Variants in CWC27 observed in about 807,000 individuals in gnomAD.
The protein encoded by CWC27 is spliceosome-associated protein CWC27 homolog.
In CWC27, 47 loss-of-function variants were observed where a neutral mutation model predicts 63.6. That is an observed-to-expected ratio of 0.74 (90% CI 0.58 to 0.94). CWC27 has a LOEUF of 0.94. Among genes scored for constraint, CWC27 ranks in the 40% least tolerant of loss-of-function variants. The probability of loss-of-function intolerance (pLI) is 0.00; values close to 1 mark genes in which losing one functional copy is unlikely to be tolerated. For missense variants in CWC27, 495 were observed against 554.3 expected (o/e 0.89, Z 1.07); for synonymous variants, 175 against 179.8 (o/e 0.97, Z 0.22).
chr5:64,944,071 C>T (rs1485124642), intron 11 of CWC27, among the ~76,000 whole-genome samples: 2 of 151,982 alleles, frequency 1.3e-5, no homozygotes, highest in South Asian at 2.1e-4. Context: ...CACCTACTTG[C>T]GGACATTACT....
chr5:64,835,473 T>A (rs1037743712), intron 10 of CWC27, among the ~76,000 whole-genome samples: 2 of 151,868 alleles, frequency 1.3e-5, no homozygotes, highest in African/African-American at 4.8e-5. Flanking sequence ...TATTTTGGCT[T>A]GGCATGTGGA....
chr5:64,995,146 A>G (rs1052605269), intron 13 of CWC27, among the ~76,000 whole-genome samples: 1 of 151,334 alleles, frequency 6.6e-6, no homozygotes, highest in Admixed American at 6.6e-5. Flanking sequence ...TAATTTTTGT[A>G]TTTTTAGTAG....
At chr5:64,861,489 G>A (rs573559437) in intron 10 of CWC27, among the ~76,000 whole-genome samples, 2 of 152,126 alleles carry the variant, frequency 1.3e-5, no homozygotes, top group East Asian at 3.9e-4. Flanking sequence ...ATGGTTCACT[G>A]GAAACCACCA....
At chr5:64,798,362 C>A (rs1008195825) in intron 7 of CWC27, among the ~76,000 whole-genome samples, 1 of 152,202 alleles carries the variant, frequency 6.6e-6, no homozygotes, top group East Asian at 1.9e-4. Flanking sequence ...CAACCACCAT[C>A]TTTCTTCTTG....
chr5:64,967,656 G>A (rs1749043881), intron 11 of CWC27, among the ~76,000 whole-genome samples: 1 of 151,910 alleles, frequency 6.6e-6, no homozygotes, highest in Non-Finnish European at 1.5e-5. Flanking sequence ...AAGGTGCCAA[G>A]GTCATTCACT....
intron 10 of CWC27, among the ~76,000 whole-genome samples, chr5:64,839,877 G>A (rs1322300727): frequency 6.6e-6 from 1 of 152,028 alleles, no homozygotes; most frequent in Non-Finnish European, 1.5e-5. Context: ...CTTGACATGG[G>A]AACTGATTGA....
chr5:64,928,570 C>A (rs1397212547), intron 11 of CWC27, among the ~76,000 whole-genome samples: 3 of 149,810 alleles, frequency 2.0e-5, no homozygotes, highest in Admixed American at 1.3e-4. Context: ...GCCAAGTGCA[C>A]AACAAAGTGT....
intron 10 of CWC27, among the ~76,000 whole-genome samples, chr5:64,805,997 C>T (rs561960975): frequency 4.6e-5 from 7 of 152,200 alleles, no homozygotes; most frequent in Admixed American, 4.6e-4. Flanking sequence ...GAAGTTTTTA[C>T]AGGCAAATGA....
intron 10 of CWC27, among the ~76,000 whole-genome samples, chr5:64,817,971 T>C (rs1273024570): frequency 6.6e-6 from 1 of 152,120 alleles, no homozygotes; most frequent in African/African-American, 2.4e-5. Context: ...TAGAGACCCT[T>C]AATACATGTT....
intron 11 of CWC27, among the ~76,000 whole-genome samples, chr5:64,891,771 TTTGTTGTTGTTGTTGTTG>T (rs56101875): frequency 6.8e-5 from 10 of 147,634 alleles, no homozygotes; most frequent in African/African-American, 1.8e-4. Context: ...CTTGGGATAC[TTTGTTGTTGTTGTTGTTG>T]TTGTTGTTGT....
intron 13 of CWC27, among the ~76,000 whole-genome samples, chr5:65,016,932 A>G (rs1040963769): frequency 6.6e-6 from 1 of 152,220 alleles, no homozygotes; most frequent in East Asian, 1.9e-4. Context: ...TATAAGAAGT[A>G]TTAATCCTAC....
intron 10 of CWC27, among the ~76,000 whole-genome samples, chr5:64,823,222 T>G (rs1008564368): frequency 6.6e-6 from 1 of 152,198 alleles, no homozygotes; most frequent in African/African-American, 2.4e-5. Flanking sequence ...GGCCTGTGAT[T>G]ATAAAGTTGA....
intron 13 of CWC27, among the ~76,000 whole-genome samples, chr5:64,998,179 A>G (rs1356885929): frequency 6.6e-6 from 1 of 151,638 alleles, no homozygotes; most frequent in African/African-American, 2.4e-5. Flanking sequence ...CATGTTGGGG[A>G]AGTTTGCTTT....
At chr5:64,898,861 C>T (rs1707994041) in intron 11 of CWC27, among the ~76,000 whole-genome samples, 1 of 152,028 alleles carries the variant, frequency 6.6e-6, no homozygotes, top group Non-Finnish European at 1.5e-5. Flanking sequence ...TCAACCCGAC[C>T]CACCTCCATG....
At position 64,785,540 on chromosome 5, in the gene CWC27, C is replaced by A; in HGVS notation, c.456C>A (p.Asp152Glu). 1 of 1,586,730 alleles carries A rather than the reference C, an allele frequency of 6.3e-7. No individual in the cohort carries two copies. The highest frequency in any genetic ancestry group is 8.6e-7 in the Non-Finnish European group (1 of 1,169,418). Residue 152 changes from aspartate to glutamate, a missense_variant, in exon 5 of 14, where the codon GAC (aspartate) becomes GAA (glutamate). Physicochemically the swap from Asp to Glu is conservative, Grantham distance 45 (BLOSUM62 2). Coordinates refer to ENST00000381070, the MANE Select transcript of CWC27 (RefSeq NM_005869.4). ...LRLSEVDIDD[D>E]ERPHNPHKIK... is the part of the protein sequence containing the mutation. Reference sequence around the variant, plus strand: ...TGTCAGAAGTAGACATTGATGATGACGAAAGACCACATAATCCACACAAAA... The same window carrying A: ...TGTCAGAAGTAGACATTGATGATGAAGAAAGACCACATAATCCACACAAAA...
At chr5:64,832,255 T>G (rs1745543260) in intron 10 of CWC27, among the ~76,000 whole-genome samples, 2 of 135,908 alleles carry the variant, frequency 1.5e-5, no homozygotes, top group Admixed American at 6.9e-5. Flanking sequence ...TACATCTTGT[T>G]CTGTAATATC....
intron 11 of CWC27, among the ~76,000 whole-genome samples, chr5:64,958,695 A>G (rs1478108834): frequency 6.6e-6 from 1 of 152,176 alleles, no homozygotes; most frequent in Non-Finnish European, 1.5e-5. Context: ...TCCATGAGAC[A>G]ATTTGTAACC....
chr5:64,794,594 G>T (rs1190414161), intron 7 of CWC27, among the ~76,000 whole-genome samples: 1 of 152,022 alleles, frequency 6.6e-6, no homozygotes, highest in Non-Finnish European at 1.5e-5. Context: ...GGGAAATGGT[G>T]GGGAAGACGG....
intron 11 of CWC27, among the ~76,000 whole-genome samples, chr5:64,920,141 C>CTT (rs112922444): frequency 1.3e-5 from 2 of 151,736 alleles, no homozygotes; most frequent in African/African-American, 4.8e-5. Flanking sequence ...AATTTTTGTA[C>CTT]TTTTTTTTGT....
Sources: gnomAD v4.1 joint callset for allele counts (sites outside exome capture counted in the v4.1 genomes callset) on GRCh38, gnomAD v4.1.1 for gene constraint, MANE v1.5 for transcripts, NCBI Gene and HGNC (gene_info 2026-07-23, HGNC 2026-07-21) for gene names.